The following TRABD2B variants were observed in gnomAD, a reference collection of about 807,000 sequenced individuals.
TRABD2B encodes metalloprotease TIKI2.
TRABD2B carries 14 observed loss-of-function variants against 40.1 expected under a neutral mutation model. The ratio of observed to expected loss-of-function variants is 0.35; its 90% CI spans 0.23 to 0.55. The LOEUF (loss-of-function observed/expected upper bound fraction) is 0.55. Ranked by LOEUF, TRABD2B falls within the 20% of genes least tolerant of loss-of-function variation. TRABD2B has a pLI of 0.90. For synonymous variants in TRABD2B, 263 were observed against 277.0 expected (o/e 0.95, Z 0.50); for missense variants, 541 against 648.6 (o/e 0.83, Z 1.80).
chr1:47,770,689 G>A (rs1285551505), intron 6 of TRABD2B, among the ~76,000 whole-genome samples: 1 of 152,236 alleles, frequency 6.6e-6, no homozygotes, highest in Non-Finnish European at 1.5e-5. Flanking sequence ...GCCATGACAC[G>A]AGACTTTTCC....
rs1184393904 is a variant in TRABD2B, at chr1:47,994,631, C to T, written c.103-34G>A. 1.3e-6 allele frequency: 2 copies of T among 1,512,348 alleles called. No homozygotes were observed. The highest frequency in any genetic ancestry group is 2.5e-5 in the East Asian group (1 of 40,760). 93.7% of individuals were successfully genotyped at this position (1,512,348 alleles called of 1,614,324 possible). A position where few individuals can be genotyped will look rare whatever the true frequency, so the allele number is the denominator to read the frequency against. Reference sequence around the variant, plus strand: ...GTAGAGAAGAGGCAAGGCAGTGAGGCCGAAGGCAACAGAGTAGAGTCAGGG... The same window carrying T: ...GTAGAGAAGAGGCAAGGCAGTGAGGTCGAAGGCAACAGAGTAGAGTCAGGG... On this transcript the variant is annotated intron_variant, in intron 1 of 6. Transcript: ENST00000606738. This position sits in a 1 kb window ranked among gnomAD's most constrained non-coding sequence, Gnocchi z 6.7.
intron 2 of TRABD2B, among the ~76,000 whole-genome samples, chr1:47,827,837 C>T (rs1645196610): frequency 2.0e-5 from 3 of 152,096 alleles, no homozygotes. Context: ...TCCACTTTGG[C>T]CCACAATGAG....
intron 2 of TRABD2B, among the ~76,000 whole-genome samples, chr1:47,978,638 GC>G (rs1289646325): frequency 6.6e-6 from 1 of 152,134 alleles, no homozygotes; most frequent in African/African-American, 2.4e-5. Flanking sequence ...CCTACGAAAT[GC>G]CTTTGAATCC....
chr1:47,837,767 A>G (rs1460537404), intron 2 of TRABD2B, among the ~76,000 whole-genome samples: 1 of 152,220 alleles, frequency 6.6e-6, no homozygotes, highest in Non-Finnish European at 1.5e-5. Context: ...AATAAGCACG[A>G]AAAAAGGAAG....
intron 2 of TRABD2B, 71 bp from the exon 3 acceptor site, chr1:47,801,690 C>T: frequency 1.3e-6 from 2 of 1,484,104 alleles, no homozygotes; most frequent in Non-Finnish European, 1.8e-6. Context: ...GACTGACCCT[C>T]CTCCCTCTGG....
At chr1:47,917,625 TTGGGAGGCTGAGG>T (rs1048611843) in intron 2 of TRABD2B, among the ~76,000 whole-genome samples, 5 of 152,018 alleles carry the variant, frequency 3.3e-5, no homozygotes, top group Non-Finnish European at 7.4e-5. Context: ...TCCCAGCTAC[TTGGGAGGCTGAGG>T]TGGGAGGATC....
chr1:47,874,391 G>A (rs1180878352), intron 2 of TRABD2B, among the ~76,000 whole-genome samples: 1 of 149,324 alleles, frequency 6.7e-6, no homozygotes, highest in African/African-American at 2.5e-5. Flanking sequence ...TCCTGCCTCA[G>A]CCTCCCGAGT....
intron 2 of TRABD2B, among the ~76,000 whole-genome samples, chr1:47,809,888 T>C (rs776481432): frequency 1.3e-5 from 2 of 152,222 alleles, no homozygotes; most frequent in Non-Finnish European, 2.9e-5. Context: ...CCCTGGGTCT[T>C]GGTTTACTCA....
chr1:47,775,339 G>C lies in TRABD2B; in HGVS notation c.1180C>G (p.Pro394Ala), dbSNP rs1644430321. The change falls in exon 6 of 7, where the codon CCC becomes GCC. Residue 394 changes from proline (P) to alanine (A), a missense_variant. Pro to Ala is a conservative substitution (Grantham distance 27). This residue lies in a region of TRABD2B where 172 missense variants were observed against 155.8 expected (regional missense o/e 1.10). Transcript: ENST00000606738. ...TCCTCATCCTCTGGTGGGGCGGTGG[G>C]GGTCACAGAGGGTGCTTCGGGGACA... The part of the protein sequence containing the change: ...AAVPEAPSVT[P>A]TAPPEDEDPA... 2.4e-6 allele frequency: 3 copies of C among 1,241,486 alleles called. No individual in the cohort carries two copies. Among genetic ancestry groups the C allele is most frequent in the Non-Finnish European group, 3.0e-6 (3 of 991,226 alleles). The allele number at this position is 1,241,486 out of a possible 1,614,324, so 76.9% of individuals were successfully genotyped here. A position where few individuals can be genotyped will look rare whatever the true frequency, so the allele number is the denominator to read the frequency against.
chr1:47,928,414 C>T (rs575518506), intron 2 of TRABD2B, among the ~76,000 whole-genome samples: 1 of 152,334 alleles, frequency 6.6e-6, no homozygotes, highest in Non-Finnish European at 1.5e-5. Flanking sequence ...GATGATGCAT[C>T]AGATGCCTTG....
intron 2 of TRABD2B, among the ~76,000 whole-genome samples, chr1:47,955,879 A>G (rs755378540): frequency 6.6e-6 from 1 of 152,062 alleles, no homozygotes; most frequent in Non-Finnish European, 1.5e-5. Flanking sequence ...GCTACCACAG[A>G]TTTCAGTTAT....
chr1:47,979,096 A>G (rs1381375844), intron 2 of TRABD2B, among the ~76,000 whole-genome samples: 1 of 152,142 alleles, frequency 6.6e-6, no homozygotes, highest in Non-Finnish European at 1.5e-5. Flanking sequence ...GGCCTCCCAA[A>G]GCCAAAGCAC....
intron 2 of TRABD2B, among the ~76,000 whole-genome samples, chr1:47,814,447 G>A (rs1230124885): frequency 6.6e-6 from 1 of 152,234 alleles, no homozygotes; most frequent in African/African-American, 2.4e-5. Flanking sequence ...AAGGAGAGGT[G>A]AGAAGGCCCC....
chr1:47,875,674 C>CAAAAAAAAAAA (rs10541556), intron 2 of TRABD2B, among the ~76,000 whole-genome samples: 19 of 75,926 alleles, frequency 2.5e-4, no homozygotes, highest in Admixed American at 5.1e-4. Flanking sequence ...AACCCTGTCT[C>CAAAAAAAAAAA]AAAAAAAAAA....
intron 2 of TRABD2B, among the ~76,000 whole-genome samples, chr1:47,928,513 GC>G (rs1644998844): frequency 6.6e-6 from 1 of 152,192 alleles, no homozygotes. Context: ...TGATTATTGG[GC>G]CCAAGAATCT....
intron 2 of TRABD2B, among the ~76,000 whole-genome samples, chr1:47,972,220 C>T: frequency 6.6e-6 from 1 of 152,164 alleles, no homozygotes; most frequent in Non-Finnish European, 1.5e-5. Context: ...CAGGTTATAT[C>T]CAGCAGTGGT....
chr1:47,810,775 G>A (rs1164479746), intron 2 of TRABD2B, among the ~76,000 whole-genome samples: 1 of 152,228 alleles, frequency 6.6e-6, no homozygotes, highest in Non-Finnish European at 1.5e-5. Context: ...GGGAAGAGAG[G>A]GAGCAGGGAT....
intron 2 of TRABD2B, among the ~76,000 whole-genome samples, chr1:47,913,639 C>T (rs1251650084): frequency 6.6e-6 from 1 of 152,198 alleles, no homozygotes; most frequent in African/African-American, 2.4e-5. Flanking sequence ...TGAATACGAA[C>T]CGCTATGAAA....
intron 2 of TRABD2B, among the ~76,000 whole-genome samples, chr1:47,847,692 T>TA (rs1645490839): frequency 6.6e-6 from 1 of 152,198 alleles, no homozygotes; most frequent in Non-Finnish European, 1.5e-5. Context: ...CATCCTGCCT[T>TA]AATCCACTCA....
Sources: gnomAD v4.1 joint callset for allele counts (sites outside exome capture counted in the v4.1 genomes callset) on GRCh38, gnomAD v4.1.1 for gene constraint, gnomAD v4.1.1 regional missense constraint, Gnocchi (gnomAD v3.1) non-coding constraint, MANE v1.5 for transcripts, NCBI Gene and HGNC (gene_info 2026-07-23, HGNC 2026-07-21) for gene names.